GRIP1: variants seen among roughly 807,000 people sequenced by gnomAD.
GRIP1 encodes glutamate receptor interacting protein 1.
A neutral mutation model predicts 129.9 loss-of-function variants in GRIP1; 45 were observed. The ratio of observed to expected loss-of-function variants is 0.35; its 90% CI spans 0.27 to 0.44. GRIP1 has a LOEUF of 0.44. Among genes scored for constraint, GRIP1 ranks in the 20% least tolerant of loss-of-function variants. The probability of loss-of-function intolerance (pLI) is 1.00; values close to 1 mark genes in which losing one functional copy is unlikely to be tolerated. For synonymous variants in GRIP1, 530 were observed against 520.8 expected, an observed-to-expected ratio of 1.02 and a Z score of -0.24; for missense variants, 1,196 against 1,396.8, an observed-to-expected ratio of 0.86 and a Z score of 2.29.
chr12:66,812,584 C>T (rs1016092889), intron 1 of GRIP1, among the ~76,000 whole-genome samples: 5 of 152,208 alleles, frequency 3.3e-5, no homozygotes, highest in Admixed American at 3.3e-4. Flanking sequence ...AATTCTAAGT[C>T]ATCATTCGCC....
intron 2 of GRIP1, among the ~76,000 whole-genome samples, chr12:66,542,403 A>G (rs1427650893): frequency 4.6e-5 from 7 of 152,338 alleles, no homozygotes; most frequent in African/African-American, 1.7e-4. Context: ...GCCAACTGAA[A>G]GGAGAAGAGT....
intron 9 of GRIP1, 76 bp downstream of exon 9, chr12:66,462,848 C>G: frequency 1.2e-6 from 1 of 836,024 alleles, no homozygotes; most frequent in Non-Finnish European, 2.0e-6. Context: ...CAGTGTCTTT[C>G]TGCTGTCTAA....
chr12:66,894,978 T>C (rs2040721657), intron 1 of GRIP1, among the ~76,000 whole-genome samples: 1 of 152,142 alleles, frequency 6.6e-6, no homozygotes, highest in South Asian at 2.1e-4. Context: ...AGCAGGTGCC[T>C]CTGCTGTGGA....
chr12:66,567,761 C>T lies in GRIP1; in HGVS notation c.137-25811G>A, dbSNP rs1283413322. 1.8e-5 allele frequency: 4 copies of T among 217,474 alleles called. No individual in the cohort carries two copies. The East Asian group carries it at 4.4e-4, about 24-fold the overall frequency. 13.5% of individuals were successfully genotyped at this position (217,474 alleles called of 1,614,324 possible). A position where few individuals can be genotyped will look rare whatever the true frequency, so the allele number is the denominator to read the frequency against. On this transcript the variant is annotated intron_variant, in intron 2 of 24. Transcript: ENST00000359742. The stretch of plus-strand genomic sequence containing the variant: ...CTTCTCATCCTTTGGAGAAAAAAAT[C>T]ACAGTGGTAATTCTGTGCTTCCTGT...
chr12:66,855,001 G>GT (rs2039978868), intron 1 of GRIP1, among the ~76,000 whole-genome samples: 2 of 151,880 alleles, frequency 1.3e-5, no homozygotes, highest in African/African-American at 4.8e-5. Flanking sequence ...TTGAAGTGAT[G>GT]TTTTCATGCT....
Position 66,706,738 on chromosome 12 carries a change from C to G in GRIP1, c.-419-76402G>C, listed in dbSNP as rs554127300. ...GCAGGGACAGGGATGAAGCCGGAAGCCATCATCCTCAGCAAACTAACACAA... is the reference window on the plus strand; with the variant it reads ...GCAGGGACAGGGATGAAGCCGGAAGGCATCATCCTCAGCAAACTAACACAA... On this transcript the variant is annotated intron_variant, in intron 1 of 4. Coordinates refer to the GRIP1 transcript ENST00000538373. Among the ~76,000 whole-genome samples, 4 of 152,162 alleles carry G rather than the reference C, an allele frequency of 2.6e-5. No homozygotes were observed. The East Asian group carries it at 7.7e-4, about 29-fold the overall frequency.
At chr12:66,884,103 G>C (rs1343155324) in intron 1 of GRIP1, among the ~76,000 whole-genome samples, 1 of 152,258 alleles carries the variant, frequency 6.6e-6, no homozygotes, top group Admixed American at 6.5e-5. Flanking sequence ...CAAGCCATAT[G>C]TGAGTGCCTT....
chr12:67,036,717 C>T (rs868467009), intron 1 of GRIP1, among the ~76,000 whole-genome samples: 1 of 152,116 alleles, frequency 6.6e-6, no homozygotes, highest in South Asian at 2.1e-4. Flanking sequence ...CTGCTGGCCC[C>T]TAAAATCCTC....
At chr12:67,009,118 T>A (rs1285222350) in intron 1 of GRIP1, among the ~76,000 whole-genome samples, 1 of 152,198 alleles carries the variant, frequency 6.6e-6, no homozygotes, top group East Asian at 1.9e-4. Flanking sequence ...CAAGACCAGC[T>A]GGCTATTTTA....
At chr12:66,918,158 A>T (rs1280886884) in intron 1 of GRIP1, among the ~76,000 whole-genome samples, 5 of 152,124 alleles carry the variant, frequency 3.3e-5, no homozygotes, top group Non-Finnish European at 5.9e-5. Context: ...TGAGTCCAAA[A>T]GCCTGAGATC....
chr12:66,801,658 G>C (rs1210650035), intron 1 of GRIP1, among the ~76,000 whole-genome samples: 1 of 151,992 alleles, frequency 6.6e-6, no homozygotes, highest in Non-Finnish European at 1.5e-5. Flanking sequence ...TTTTCTGGGA[G>C]GTTCTTTTTA....
At chr12:66,460,537 A>G (rs920240795) in intron 9 of GRIP1, among the ~76,000 whole-genome samples, 7 of 152,210 alleles carry the variant, frequency 4.6e-5, no homozygotes, top group African/African-American at 1.7e-4. Flanking sequence ...GAAAACCCTC[A>G]GTGGGAAAAA....
chr12:66,685,490 A>G (rs1320758603), intron 1 of GRIP1, among the ~76,000 whole-genome samples: 1 of 152,200 alleles, frequency 6.6e-6, no homozygotes, highest in Non-Finnish European at 1.5e-5. Context: ...GAGAGGTTCT[A>G]TATTTATCCA....
intron 21 of GRIP1, 50 bp from the exon 22 acceptor site, chr12:66,377,111 C>T (rs775682477): frequency 1.3e-6 from 2 of 1,577,648 alleles, no homozygotes; most frequent in South Asian, 2.2e-5. Context: ...GAAATGCAAA[C>T]TTAAAAGGAC....
intron 1 of GRIP1, among the ~76,000 whole-genome samples, chr12:66,861,899 C>T (rs999057689): frequency 6.6e-6 from 1 of 151,870 alleles, no homozygotes; most frequent in African/African-American, 2.4e-5. Context: ...TCATGGAAAA[C>T]GCAATTTGTT....
intron 2 of GRIP1, among the ~76,000 whole-genome samples, chr12:66,558,255 G>C (rs1230037860): frequency 6.6e-6 from 1 of 152,152 alleles, no homozygotes; most frequent in Non-Finnish European, 1.5e-5. Flanking sequence ...GTTACACATG[G>C]CTGGAGAGAC....
chr12:66,382,108 G>A (rs933269488), intron 19 of GRIP1, among the ~76,000 whole-genome samples: 9 of 152,172 alleles, frequency 5.9e-5, no homozygotes, highest in East Asian at 1.9e-4. Context: ...GCATGGTGGC[G>A]CATGCCAGCT....
intron 1 of GRIP1, among the ~76,000 whole-genome samples, chr12:66,859,284 CAAAAAAACAAAAAAACAAAAAAAAA>C (rs2040067100): frequency 1.1e-4 from 1 of 9,042 alleles, no homozygotes; most frequent in Non-Finnish European, 5.3e-4. Flanking sequence ...AACAAAAAAA[CAAAAAAACAAAAAAACAAAAAAAAA>C]CCAGTATTAG....
At chr12:66,756,587 T>C (rs1021937590) in intron 1 of GRIP1, among the ~76,000 whole-genome samples, 10 of 152,168 alleles carry the variant, frequency 6.6e-5, no homozygotes, top group Admixed American at 5.2e-4. Context: ...GCCTCAGTAA[T>C]GGTGGGAATT....
Sources: allele counts gnomAD v4.1 joint callset (sites outside exome capture counted in the v4.1 genomes callset), GRCh38; gene constraint gnomAD v4.1.1; transcripts MANE v1.5; gene names NCBI Gene and HGNC (gene_info 2026-07-23, HGNC 2026-07-21).